Variants in DDX19B observed in about 807,000 individuals in gnomAD.
DDX19B encodes the protein DEAD-box helicase 19B.
In DDX19B, 27 loss-of-function variants were observed where a neutral mutation model predicts 58.1. The ratio of observed to expected loss-of-function variants is 0.46; its 90% CI spans 0.34 to 0.64. DDX19B has a LOEUF of 0.64. DDX19B is among the 30% of genes least tolerant of loss of function. The pLI is 0.01. For synonymous variants in DDX19B, 187 were observed against 214.4 expected (o/e 0.87, Z 1.12); for missense variants, 399 against 596.5 (o/e 0.67, Z 3.45).
chr16:70,304,934 C>G (rs1221699235), intron 1 of DDX19B, among the ~76,000 whole-genome samples: 1 of 152,010 alleles, frequency 6.6e-6, no homozygotes, highest in Admixed American at 6.6e-5. Flanking sequence ...ATATCCTCAT[C>G]ATTTGGAGGA....
chr16:70,294,831 C>A, upstream of DDX19B: 1 of 1,491,744 alleles, frequency 6.7e-7, no homozygotes, highest in African/African-American at 1.4e-5. Flanking sequence ...AGTGTAACTG[C>A]CATGCTCAGC....
At chr16:70,290,055 A>G (rs1961018988), upstream of DDX19B, 1 of 292,086 alleles carries the variant, frequency 3.4e-6, no homozygotes, top group Non-Finnish European at 6.9e-6. Flanking sequence ...TTGGAAAAAA[A>G]AAAGTTAATA....
intron 1 of DDX19B, among the ~76,000 whole-genome samples, chr16:70,300,842 A>G (rs1022987802): frequency 6.6e-5 from 10 of 152,054 alleles, no homozygotes; most frequent in African/African-American, 2.4e-4. Context: ...TTACTTTTCT[A>G]TAAAATTTAT....
rs774660943 is a variant in DDX19B at position 70,312,636 on chromosome 16, A to C, written c.85A>C (p.Lys29Gln). The C allele has an allele frequency of 2.5e-6, 4 of 1,613,022 alleles. No individual in the cohort carries two copies. The highest frequency in any genetic ancestry group is 3.4e-6 in the Non-Finnish European group (4 of 1,179,388). Residue 29 changes from lysine (K) to glutamine (Q), a missense_variant, in exon 2 of 12, where the codon AAA becomes CAA. Coordinates refer to ENST00000288071, the MANE Select transcript of DDX19B (RefSeq NM_007242.7). ...GAGCAACTTGCATCTTAAGGAAGAG[A>C]AAATCAAACCAGATACCAATGGTAA... ...SLSNLHLKEE[K>Q]IKPDTNGAVV...
At chr16:70,320,978 T>C (rs1962762297) in intron 5 of DDX19B, among the ~76,000 whole-genome samples, 1 of 150,396 alleles carries the variant, frequency 6.6e-6, no homozygotes, top group African/African-American at 2.4e-5. Flanking sequence ...TTTTTTTTTT[T>C]TGAGACGGAG....
intron 7 of DDX19B, 97 bp downstream of exon 7, chr16:70,325,785 C>T: frequency 3.4e-6 from 3 of 878,794 alleles, no homozygotes; most frequent in Non-Finnish European, 3.7e-6. Context: ...ACAATAAACA[C>T]ATGTATGTTC....
upstream of DDX19B, among the ~76,000 whole-genome samples, chr16:70,298,643 C>T (rs1567620444): frequency 6.6e-6 from 1 of 151,860 alleles, no homozygotes; most frequent in South Asian, 2.1e-4. Flanking sequence ...CATGAGCCAC[C>T]GCACCGTCTG....
Position 70,331,828 on chromosome 16 carries a change from A to C in DDX19B, c.1130A>C (p.Glu377Ala), listed in dbSNP as rs1173671097. The change falls in exon 10 of 12, where the codon GAG (glutamate) becomes GCG (alanine). Residue 377 changes from glutamate to alanine, a missense_variant. Physicochemically the swap from Glu to Ala is moderately radical, Grantham distance 107. This residue lies in a region of DDX19B where 198 missense variants were observed against 345.9 expected (regional missense o/e 0.57). Transcript: ENST00000288071. Reference sequence around the variant, plus strand: ...GTGGAACAGAGGGCTGCAGTGATTGAGCGCTTCCGAGAGGGCAAAGAGAAG... The same window carrying C: ...GTGGAACAGAGGGCTGCAGTGATTGCGCGCTTCCGAGAGGGCAAAGAGAAG... The part of the protein sequence containing the change: ...MMVEQRAAVI[E>A]RFREGKEKVL... The C allele has an allele frequency of 6.2e-7, 1 of 1,613,926 alleles. No homozygotes were observed. Among genetic ancestry groups the C allele is most frequent in the Non-Finnish European group, 8.5e-7 (1 of 1,179,956 alleles).
intron 1 of DDX19B, 31 bp downstream of exon 1, chr16:70,299,385 G>A: frequency 1.3e-6 from 2 of 1,587,282 alleles, no homozygotes; most frequent in Non-Finnish European, 1.7e-6. Context: ...AAAGGGTCAG[G>A]GGACTAGTTC....
chr16:70,325,502 G>A, intron 6 of DDX19B, 72 bp from the exon 7 acceptor site: 1 of 993,060 alleles, frequency 1.0e-6, no homozygotes, highest in Non-Finnish European at 1.6e-6. Context: ...GAGTGGCTAA[G>A]TACTAATGGT....
intron 6 of DDX19B, among the ~76,000 whole-genome samples, chr16:70,325,226 G>A (rs1963080799): frequency 6.6e-6 from 1 of 152,156 alleles, no homozygotes; most frequent in South Asian, 2.1e-4. Flanking sequence ...TTACTTGCAG[G>A]AAAACCTGTT....
intron 1 of DDX19B, among the ~76,000 whole-genome samples, chr16:70,304,027 G>A (rs1427408445): frequency 6.6e-6 from 1 of 151,732 alleles, no homozygotes; most frequent in African/African-American, 2.4e-5. Context: ...TCTAATAAGG[G>A]GTATGCATTG....
chr16:70,330,138 C>T, intron 9 of DDX19B, 70 bp downstream of exon 9: 5 of 1,562,298 alleles, frequency 3.2e-6, no homozygotes, highest in Non-Finnish European at 4.4e-6. Flanking sequence ...CTCAGGAGGA[C>T]TGGATGCCCC....
At chr16:70,297,819 C>G (rs1190990832), upstream of DDX19B, among the ~76,000 whole-genome samples, 1 of 152,226 alleles carries the variant, frequency 6.6e-6, no homozygotes, top group Non-Finnish European at 1.5e-5. Context: ...CTCCTGGGCT[C>G]AAGTGATCCT....
chr16:70,321,336 T>A (rs1962797463), intron 5 of DDX19B, among the ~76,000 whole-genome samples: 1 of 152,084 alleles, frequency 6.6e-6, no homozygotes, highest in South Asian at 2.1e-4. Flanking sequence ...CCCAGACTTG[T>A]CTTGAACTCC....
chr16:70,312,562 A>C (rs1489540445), intron 1 of DDX19B, 47 bp from the exon 2 acceptor site: 14 of 1,555,140 alleles, frequency 9.0e-6, no homozygotes, highest in Non-Finnish European at 1.2e-5. Context: ...AAATCTTTTT[A>C]AGTGCTTTTC....
chr16:70,317,203 G>A, intron 4 of DDX19B: 1 of 149,522 alleles, frequency 6.7e-6, no homozygotes, highest in African/African-American at 3.2e-5. Context: ...GCGAGACTCT[G>A]TCTCAAAAAA....
chr16:70,308,598 A>T (rs1330193917), intron 1 of DDX19B, among the ~76,000 whole-genome samples: 1 of 151,030 alleles, frequency 6.6e-6, no homozygotes, highest in African/African-American at 2.4e-5. Flanking sequence ...CTCGAACTCC[A>T]TGAGTTCCAA....
intron 7 of DDX19B, among the ~76,000 whole-genome samples, chr16:70,326,790 C>A (rs1388564784): frequency 6.6e-6 from 1 of 151,888 alleles, no homozygotes; most frequent in African/African-American, 2.4e-5. Context: ...TCTGCCTCGG[C>A]CTCCCAAAGT....
Sources: allele counts gnomAD v4.1 joint callset (sites outside exome capture counted in the v4.1 genomes callset), GRCh38; gene constraint gnomAD v4.1.1; regional missense constraint gnomAD v4.1.1; transcripts MANE v1.5; gene names NCBI Gene and HGNC (gene_info 2026-07-23, HGNC 2026-07-21).